CDH4: variants seen among roughly 807,000 people sequenced by gnomAD.
CDH4 encodes cadherin-4.
A neutral mutation model predicts 86.0 loss-of-function variants in CDH4; 33 were observed. The observed-to-expected ratio is 0.38, with a 90% confidence interval of 0.29 to 0.51. The LOEUF is 0.51. Ranked by LOEUF, CDH4 falls within the 20% of genes least tolerant of loss-of-function variation. The pLI is 0.86. For synonymous variants in CDH4, 555 were observed against 549.4 expected, an observed-to-expected ratio of 1.01 and a Z score of -0.14; for missense variants, 1,114 against 1,307.4, an observed-to-expected ratio of 0.85 and a Z score of 2.28.
chr20:61,795,723 T>C (rs1979500068), intron 4 of CDH4, among the ~76,000 whole-genome samples: 1 of 152,046 alleles, frequency 6.6e-6, no homozygotes, highest in South Asian at 2.1e-4. Flanking sequence ...GAGTGTGGAC[T>C]CAGGAAGGAG....
chr20:61,934,603 G>GTAT (rs1354994874), intron 15 of CDH4, among the ~76,000 whole-genome samples: 1 of 152,246 alleles, frequency 6.6e-6, no homozygotes, highest in Non-Finnish European at 1.5e-5. Context: ...AGCCCTCCAA[G>GTAT]TATTAACCTT....
rs572589490 is a variant in CDH4, at chr20:61,442,904, C to T, written c.169+187967C>T. Among the ~76,000 whole-genome samples the T allele has an allele frequency of 1.0e-3, 152 of 152,308 alleles. 1 individual carries two copies. Among genetic ancestry groups the T allele is most frequent in the Non-Finnish European group, 1.7e-3 (119 of 68,024 alleles). ...CTGAATCACCCCATGGTGGGGGCTGCCTTGTGCATTGAAGGTTGTTTAACA... is the reference window on the plus strand; with the variant it reads ...CTGAATCACCCCATGGTGGGGGCTGTCTTGTGCATTGAAGGTTGTTTAACA... On this transcript the variant is annotated intron_variant, in intron 2 of 15. Coordinates refer to ENST00000614565, the MANE Select transcript of CDH4 (RefSeq NM_001794.5).
intron 2 of CDH4, among the ~76,000 whole-genome samples, chr20:61,614,159 T>C (rs972872953): frequency 1.4e-4 from 22 of 152,086 alleles, no homozygotes; most frequent in Non-Finnish European, 3.2e-4. Flanking sequence ...TTTATGCTAA[T>C]GAAGTGACTT....
At chr20:61,651,534 G>A (rs535433062) in intron 2 of CDH4, among the ~76,000 whole-genome samples, 13 of 152,260 alleles carry the variant, frequency 8.5e-5, no homozygotes, top group African/African-American at 2.6e-4. Context: ...GCCACGGGGC[G>A]CCCTGAGCAG....
intron 2 of CDH4, among the ~76,000 whole-genome samples, chr20:61,337,540 G>A (rs13045855): frequency 1 from 152,095 of 152,096 alleles, 76,047 homozygotes; most frequent in Non-Finnish European, 1. Context: ...GGAAAGCATG[G>A]TCGTGGTGGT....
At chr20:61,520,604 G>C (rs6142785) in intron 2 of CDH4, among the ~76,000 whole-genome samples, 1 of 152,216 alleles carries the variant, frequency 6.6e-6, no homozygotes, top group Non-Finnish European at 1.5e-5. Context: ...CTATGGATCA[G>C]GCACCAGGCT....
chr20:61,675,027 C>A (rs1175944694), intron 2 of CDH4, among the ~76,000 whole-genome samples: 1 of 152,232 alleles, frequency 6.6e-6, no homozygotes, highest in Non-Finnish European at 1.5e-5. Flanking sequence ...TGATCCATTA[C>A]AGAAAATGCT....
chr20:61,369,877 G>C (rs1281839401), intron 2 of CDH4: 2 of 152,362 alleles, frequency 1.3e-5, no homozygotes, highest in Non-Finnish European at 2.9e-5. Flanking sequence ...AGAGGGAACA[G>C]AGTGAAGCGC....
intron 4 of CDH4, among the ~76,000 whole-genome samples, chr20:61,809,247 G>A (rs1486143992): frequency 6.6e-6 from 1 of 152,146 alleles, no homozygotes; most frequent in Non-Finnish European, 1.5e-5. Context: ...TGGTCCCGGG[G>A]ATGGTCAGCG....
chr20:61,713,892 C>T (rs968322325), intron 2 of CDH4, among the ~76,000 whole-genome samples: 1 of 152,146 alleles, frequency 6.6e-6, no homozygotes, highest in Non-Finnish European at 1.5e-5. Context: ...GCATGGGACC[C>T]CCATGCTCAG....
At chr20:61,272,720 T>C (rs990749828) in intron 2 of CDH4, among the ~76,000 whole-genome samples, 3 of 151,256 alleles carry the variant, frequency 2.0e-5, no homozygotes, top group African/African-American at 7.3e-5. Flanking sequence ...CTGTGTGCAG[T>C]TGTTTGGGGG....
At chr20:61,573,559 G>T (rs186472461) in intron 2 of CDH4, among the ~76,000 whole-genome samples, 3 of 152,170 alleles carry the variant, frequency 2.0e-5, no homozygotes. Flanking sequence ...GGAGGGGGTC[G>T]TGTCCCACAG....
At chr20:61,439,234 G>A (rs62200866) in intron 2 of CDH4, among the ~76,000 whole-genome samples, 31 of 106,632 alleles carry the variant, frequency 2.9e-4, no homozygotes, top group Admixed American at 4.6e-4. Flanking sequence ...TGCGGTGTGC[G>A]TTTTGGTTGT....
intron 4 of CDH4, among the ~76,000 whole-genome samples, chr20:61,797,989 C>G (rs982554917): frequency 2.6e-5 from 4 of 152,160 alleles, no homozygotes; most frequent in Non-Finnish European, 4.4e-5. Context: ...TAGAGTTTTT[C>G]TAGAGAAAGC....
intron 11 of CDH4, among the ~76,000 whole-genome samples, chr20:61,924,875 A>G (rs1238271175): frequency 2.0e-5 from 3 of 152,154 alleles, no homozygotes; most frequent in Non-Finnish European, 4.4e-5. Context: ...CTGTAAACTG[A>G]GGCACTGGAA....
chr20:61,635,268 G>C (rs1027181045), intron 2 of CDH4, among the ~76,000 whole-genome samples: 1 of 152,186 alleles, frequency 6.6e-6, no homozygotes, highest in South Asian at 2.1e-4. Context: ...GATGCACAAG[G>C]CGTCCCCTTT....
intron 2 of CDH4, among the ~76,000 whole-genome samples, chr20:61,398,808 C>T (rs375817411): frequency 1.2e-4 from 18 of 152,214 alleles, no homozygotes; most frequent in Admixed American, 6.5e-4. Flanking sequence ...GAAGATTGGC[C>T]TTGCGTCAGT....
intron 2 of CDH4, among the ~76,000 whole-genome samples, chr20:61,645,516 C>G (rs1238041197): frequency 2.6e-5 from 4 of 151,880 alleles, no homozygotes; most frequent in African/African-American, 9.7e-5. Flanking sequence ...CCTGTGGTCC[C>G]AGCTACTCAG....
chr20:61,690,113 T>C (rs2087637075), intron 2 of CDH4, among the ~76,000 whole-genome samples: 1 of 147,260 alleles, frequency 6.8e-6, no homozygotes, highest in African/African-American at 2.6e-5. Context: ...GTTTCTGAGG[T>C]GATGTGGATT....
Sources: allele counts gnomAD v4.1 joint callset (sites outside exome capture counted in the v4.1 genomes callset), GRCh38; gene constraint gnomAD v4.1.1; transcripts MANE v1.5; gene names NCBI Gene and HGNC (gene_info 2026-07-23, HGNC 2026-07-21).